The following GTPBP6 variants were observed in gnomAD, a reference collection of about 807,000 sequenced individuals.
GTPBP6 encodes GTP binding protein 6, also known as putative GTP-binding protein 6.
In GTPBP6, 33 loss-of-function variants were observed where a neutral mutation model predicts 28.9. The ratio of observed to expected loss-of-function variants is 1.14; its 90% CI spans 0.87 to 1.53. The LOEUF is 1.53. Ranked by LOEUF, GTPBP6 falls within the 40% of genes most tolerant of loss-of-function variation. GTPBP6 has a pLI of 0.00. For missense variants in GTPBP6, 507 were observed against 408.3 expected, an observed-to-expected ratio of 1.24 and a Z score of -2.08; for synonymous variants, 231 against 192.7, an observed-to-expected ratio of 1.20 and a Z score of -1.65.
At chrX:316,816 G>A (rs2070448426) in intron 2 of GTPBP6, 98 bp downstream of exon 2, 4 of 399,000 alleles carry the variant, frequency 1.0e-5, no homozygotes, top group East Asian at 3.6e-5. Context: ...CTCTGGCCCC[G>A]CAAGACCCCC....
chrX:306,496 A>C (rs1376974421), intron 9 of GTPBP6, among the ~76,000 whole-genome samples: 1 of 145,728 alleles, frequency 6.9e-6, no homozygotes, highest in Non-Finnish European at 1.5e-5. Context: ...CACATTAGGC[A>C]CCTGTTGTAT....
rs372401998 is a variant in GTPBP6 at position 307,894 on chromosome X, C to T, written c.1126-14G>A. 1.7e-4 allele frequency: 258 copies of T among 1,505,682 alleles called. No individual in the cohort carries two copies. In the East Asian group the frequency reaches 3.4e-3, roughly 20 times the overall value. The allele number at this position is 1,505,682 out of a possible 1,614,324, so 93.3% of individuals were successfully genotyped here. A position where few individuals can be genotyped will look rare whatever the true frequency, so the allele number is the denominator to read the frequency against. On this transcript the variant is annotated splice_polypyrimidine_tract_variant and intron_variant, in intron 7 of 9. Coordinates refer to ENST00000326153, the Ensembl canonical transcript of GTPBP6. Reference sequence around the variant, plus strand: ...CAAGATGAGATCCTGTGGGCCGGGCCGTGGGGTCAGAGCTGCGGAGCCTCT... The same window carrying T: ...CAAGATGAGATCCTGTGGGCCGGGCTGTGGGGTCAGAGCTGCGGAGCCTCT...
At chrX:315,628 G>GAGAC (rs2070419220) in intron 2 of GTPBP6, among the ~76,000 whole-genome samples, 75 of 18,588 alleles carry the variant, frequency 4.0e-3, no homozygotes, top group Admixed American at 6.5e-3. Flanking sequence ...CACACAGACA[G>GAGAC]ACACACAGAG....
chrX:315,161 G>A (rs9646385), intron 3 of GTPBP6, 68 bp downstream of exon 3: 168,718 of 393,386 alleles, frequency 0.43, 37,351 homozygotes, highest in Middle Eastern at 0.49. Flanking sequence ...CTGGCCGGAC[G>A]CCGTGGCGTC....
exon 3 of GTPBP6, chrX:315,271 C>T (rs1452255847): frequency 1.5e-5 from 6 of 398,436 alleles, no homozygotes; most frequent in African/African-American, 1.0e-4. Flanking sequence ...GGAAGACGCA[C>T]GTGATGTCTG....
chrX:317,643 C>A (rs1455880583), intron 1 of GTPBP6, among the ~76,000 whole-genome samples: 19 of 151,400 alleles, frequency 1.3e-4, no homozygotes, highest in African/African-American at 4.4e-4. Context: ...TACCTCTAAC[C>A]CAGAGCAAGA....
chrX:314,279 G>GAGGTGA (rs1284996244), intron 4 of GTPBP6, 62 bp from the exon 5 acceptor site: 11 of 1,386,868 alleles, frequency 7.9e-6, no homozygotes, highest in South Asian at 1.2e-5. Context: ...GGCAGAGGTC[G>GAGGTGA]AGGTGAAGGT....
chrX:311,646 C>T lies in GTPBP6; in HGVS notation c.917-19G>A. On this transcript the variant is annotated intron_variant, in intron 6 of 9. Transcript: ENST00000326153. Reference sequence around the variant, plus strand: ...GTCTTTCCTAGGAGGGCGTGGAGGTCAGGGCGCTGCAGAGATCCCTGCGTC... The same window carrying T: ...GTCTTTCCTAGGAGGGCGTGGAGGTTAGGGCGCTGCAGAGATCCCTGCGTC... The T allele has an allele frequency of 6.3e-7, 1 of 1,589,964 alleles. No homozygotes were observed. Among genetic ancestry groups the T allele is most frequent in the Non-Finnish European group, 8.6e-7 (1 of 1,159,798 alleles).
chrX:308,881 A>T (rs1375638401), intron 7 of GTPBP6, among the ~76,000 whole-genome samples: 1 of 151,148 alleles, frequency 6.6e-6, no homozygotes, highest in Non-Finnish European at 1.5e-5. Context: ...GACTACAGGC[A>T]CCCGCCACCA....
exon 6 of GTPBP6, chrX:312,784 C>G (rs201798473): frequency 5.6e-6 from 9 of 1,612,316 alleles, no homozygotes; most frequent in Non-Finnish European, 7.6e-6. Context: ...GTGTACCCCA[C>G]CACGGAGATC....
At chrX:309,109 G>A (rs765917197) in intron 7 of GTPBP6, among the ~76,000 whole-genome samples, 3 of 152,230 alleles carry the variant, frequency 2.0e-5, no homozygotes, top group South Asian at 4.1e-4. Context: ...GGTGGCAGCC[G>A]CGTCCGTTCT....
exon 3 of GTPBP6, chrX:315,272 G>A (rs1186685635): frequency 2.8e-5 from 11 of 398,436 alleles, no homozygotes; most frequent in African/African-American, 8.2e-5. Flanking sequence ...GAAGACGCAC[G>A]TGATGTCTGG....
At chrX:312,053 A>C (rs2070312393) in intron 6 of GTPBP6, 3 of 452,738 alleles carry the variant, frequency 6.6e-6, no homozygotes, top group African/African-American at 2.0e-5. Flanking sequence ...CGGTGTTGAC[A>C]GAAGGATGGT....
At chrX:309,021 G>A (rs1014693620) in intron 7 of GTPBP6, among the ~76,000 whole-genome samples, 2 of 152,176 alleles carry the variant, frequency 1.3e-5, no homozygotes, top group African/African-American at 2.4e-5. Context: ...CACCACACCC[G>A]GTCCATAATT....
chrX:310,598 C>T (rs754327457), intron 7 of GTPBP6, among the ~76,000 whole-genome samples: 1 of 103,336 alleles, frequency 9.7e-6, no homozygotes, highest in African/African-American at 4.2e-5. Context: ...CTAATGACTA[C>T]TGTCCTTCTA....
intron 7 of GTPBP6, 108 bp from the exon 8 acceptor site, chrX:307,988 G>T: frequency 2.0e-6 from 2 of 1,005,452 alleles, no homozygotes; most frequent in Non-Finnish European, 2.7e-6. Flanking sequence ...CGACAGGCTG[G>T]GCATGGGAGG....
chrX:307,844 C>T lies in GTPBP6; in HGVS notation c.1162G>A (p.Glu388Lys), dbSNP rs778705836. ...ACGCTGCATTTCTGGAGCTCCGCCT[C>T]GGGGTGGCTGACGTCCCTCACGTGC... is the stretch of plus-strand genomic sequence containing the variant. The change falls in exon 8 of 10, where the codon GAG becomes AAG. Residue 388 changes from glutamate to lysine, a missense_variant. Physicochemically the swap from Glu to Lys is moderately conservative, Grantham distance 56. Coordinates refer to ENST00000326153, the Ensembl canonical transcript of GTPBP6. The T allele has an allele frequency of 1.2e-4, 190 of 1,542,214 alleles. No individual in the cohort carries two copies. The Admixed American group carries it at 2.9e-3, about 24-fold the overall frequency.
intron 1 of GTPBP6, among the ~76,000 whole-genome samples, chrX:317,391 G>T (rs1248924608): frequency 7.9e-5 from 12 of 152,056 alleles, no homozygotes; most frequent in Non-Finnish European, 1.5e-4. Context: ...AGAGGTCTGC[G>T]CGCTGTTCTG....
intron 9 of GTPBP6, among the ~76,000 whole-genome samples, chrX:305,610 T>C (rs1326205913): frequency 1.4e-5 from 2 of 141,598 alleles, no homozygotes; most frequent in Non-Finnish European, 3.0e-5. Flanking sequence ...CATGAGCCAC[T>C]GCGCCCGGCT....
Sources: gnomAD v4.1 joint callset for allele counts (sites outside exome capture counted in the v4.1 genomes callset) on GRCh38, gnomAD v4.1.1 for gene constraint, MANE v1.5 for transcripts, NCBI Gene and HGNC (gene_info 2026-07-23, HGNC 2026-07-21) for gene names.